The following NAF1 variants were observed in gnomAD, a reference collection of about 807,000 sequenced individuals.
The protein encoded by NAF1 is nuclear assembly factor 1 ribonucleoprotein, also known as H/ACA ribonucleoprotein complex non-core subunit NAF1.
In NAF1, 11 loss-of-function variants were observed where a neutral mutation model predicts 40.6. The observed-to-expected ratio is 0.27, with a 90% CI of 0.17 to 0.45. The LOEUF is 0.45. NAF1 is among the 20% of genes least tolerant of loss of function. NAF1 has a pLI of 1.00. For synonymous variants in NAF1, 260 were observed against 228.5 expected (o/e 1.14, Z -1.24); for missense variants, 607 against 611.1 (o/e 0.99, Z 0.07).
intron 1 of NAF1, 110 bp downstream of exon 1, chr4:163,166,253 G>GC: frequency 7.3e-7 from 1 of 1,365,166 alleles, no homozygotes; most frequent in Non-Finnish European, 9.8e-7. Flanking sequence ...CCAACGACCT[G>GC]CCCACCCTCC....
chr4:163,166,871 G>A lies in NAF1; in HGVS notation c.-144C>T. 8.9e-7 allele frequency: 1 copy of A among 1,119,624 alleles called. No homozygotes were observed. Among genetic ancestry groups the A allele is most frequent in the South Asian group, 1.7e-5 (1 of 60,558 alleles). 69.4% of individuals were successfully genotyped at this position (1,119,624 alleles called of 1,614,324 possible). A position where few individuals can be genotyped will look rare whatever the true frequency, so the allele number is the denominator to read the frequency against. ...TCCCGCGTTTCTCAGGTAACTACACGCGGAGGAGCCAAAAGACACGCCCCC... is the reference window on the plus strand; with the variant it reads ...TCCCGCGTTTCTCAGGTAACTACACACGGAGGAGCCAAAAGACACGCCCCC... On this transcript the variant is annotated 5_prime_UTR_variant, in exon 1 of 8. Coordinates refer to ENST00000274054, the MANE Select transcript of NAF1 (RefSeq NM_138386.3).
At chr4:163,162,000 C>G (rs1732244903) in intron 2 of NAF1, among the ~76,000 whole-genome samples, 1 of 151,992 alleles carries the variant, frequency 6.6e-6, no homozygotes, top group Non-Finnish European at 1.5e-5. Flanking sequence ...TCCTCACTCT[C>G]TCCTACACAC....
At position 163,147,395 on chromosome 4, in the gene NAF1, T is replaced by C. The variant is rs116441314; in HGVS notation, c.634+946A>G. Among the ~76,000 whole-genome samples the C allele has an allele frequency of 6.3e-3, 963 of 152,288 alleles. 14 individuals carry two copies. Among genetic ancestry groups the C allele is most frequent in the African/African-American group, 0.021 (889 of 41,554 alleles). ...GGTCCTCTTCACAGTTCCAAAATCC[T>C]ATTACTTTGTCAGTGCTGAGTTCTA... On this transcript the variant is annotated intron_variant, in intron 3 of 7. Transcript: ENST00000274054.
downstream of NAF1, among the ~76,000 whole-genome samples, chr4:163,125,474 C>T (rs1322769472): frequency 6.6e-6 from 1 of 152,186 alleles, no homozygotes; most frequent in Non-Finnish European, 1.5e-5. Flanking sequence ...AAAGATCAAA[C>T]CAGTTACAAC....
intron 2 of NAF1, among the ~76,000 whole-genome samples, chr4:163,158,982 T>C (rs184619321): frequency 1.3e-5 from 2 of 152,262 alleles, no homozygotes; most frequent in East Asian, 1.9e-4. Flanking sequence ...AAAGTGTATA[T>C]GCTCATTCTC....
chr4:163,139,796 A>T (rs1579155276), intron 5 of NAF1, among the ~76,000 whole-genome samples: 1 of 151,878 alleles, frequency 6.6e-6, no homozygotes, highest in Admixed American at 6.6e-5. Context: ...GATAACACTC[A>T]TTTTTTTTCT....
chr4:163,165,288 T>C (rs1732404623), intron 1 of NAF1, among the ~76,000 whole-genome samples: 1 of 152,236 alleles, frequency 6.6e-6, no homozygotes, highest in Admixed American at 6.5e-5. Flanking sequence ...GTACCCCTTT[T>C]GACTTCTTCA....
intron 2 of NAF1, among the ~76,000 whole-genome samples, chr4:163,116,314 T>C (rs557585259): frequency 6.6e-6 from 1 of 152,316 alleles, no homozygotes; most frequent in African/African-American, 2.4e-5. Context: ...TTATGGAATT[T>C]TGAGAAAATT....
chr4:163,153,590 C>G (rs1429487890), intron 2 of NAF1, among the ~76,000 whole-genome samples: 1 of 152,186 alleles, frequency 6.6e-6, no homozygotes, highest in Non-Finnish European at 1.5e-5. Flanking sequence ...CACTCTGTAT[C>G]TAGCTGCTCT....
chr4:163,151,997 T>TTTTCTTG (rs1446322780), intron 2 of NAF1, among the ~76,000 whole-genome samples: 1 of 152,206 alleles, frequency 6.6e-6, no homozygotes, highest in Non-Finnish European at 1.5e-5. Flanking sequence ...TGTATATTTA[T>TTTTCTTG]TATACAACCA....
At chr4:163,105,064 C>G in the NAF1 span, among the ~76,000 whole-genome samples, 2 of 152,132 alleles carry the variant, frequency 1.3e-5, no homozygotes, top group African/African-American at 4.8e-5. Context: ...CAGCAGCCCT[C>G]TACTATTTAA....
chr4:163,110,035 C>T (rs1019521179), downstream of NAF1: 3 of 424,816 alleles, frequency 7.1e-6, no homozygotes, highest in East Asian at 3.5e-5. Flanking sequence ...GCATCCTGCC[C>T]TATTAAGTAT....
chr4:163,144,330 T>C (rs761453086), intron 4 of NAF1, among the ~76,000 whole-genome samples: 3 of 152,166 alleles, frequency 2.0e-5, no homozygotes, highest in Non-Finnish European at 4.4e-5. Context: ...AGTTTTAAAA[T>C]AGAGGTAATT....
At position 163,156,105 on chromosome 4, in the gene NAF1, AAG is replaced by A. The variant is rs1268276940; in HGVS notation, c.541-7673_541-7672del. Among the ~76,000 whole-genome samples, 7 of 119,716 alleles carry A rather than the reference AAG, an allele frequency of 5.8e-5. 2 individuals carry two copies. The highest frequency in any genetic ancestry group is 1.3e-4 in the Non-Finnish European group (7 of 54,962). 78.5% of individuals were successfully genotyped at this position (119,716 alleles called of 152,430 possible). A position where few individuals can be genotyped will look rare whatever the true frequency, so the allele number is the denominator to read the frequency against. On this transcript the variant is annotated intron_variant, in intron 2 of 7. Transcript: ENST00000274054. Reference sequence around the variant, plus strand: ...TTAAAAGAATGATGAGTAGATAGGAAAGACTTTTTGTTTTATTTACTCAATAT... The same window carrying A: ...TTAAAAGAATGATGAGTAGATAGGAAACTTTTTGTTTTATTTACTCAATAT...
downstream of NAF1, chr4:163,126,753 AG>A (rs1730667530): frequency 2.9e-6 from 1 of 344,740 alleles, no homozygotes; most frequent in African/African-American, 2.1e-5. Flanking sequence ...CTTTGGTGAA[AG>A]GAAGAGCCAA....
chr4:163,161,018 CAAAAAAAAAA>C (rs796248441), intron 2 of NAF1, among the ~76,000 whole-genome samples: 1 of 59,694 alleles, frequency 1.7e-5, no homozygotes, highest in African/African-American at 5.8e-5. Flanking sequence ...TGTCATTTTC[CAAAAAAAAAA>C]AAAAAAAAAA....
downstream of NAF1, among the ~76,000 whole-genome samples, chr4:163,106,999 T>C (rs1461843918): frequency 6.6e-6 from 1 of 152,142 alleles, no homozygotes; most frequent in Non-Finnish European, 1.5e-5. Flanking sequence ...TTTCTTTTTT[T>C]TTTTTGAGAT....
In NAF1 at chr4:163,166,820, C is replaced by G; in HGVS notation, c.-93G>C. ...GAAATAGAAAAACAACTTAGGCAAC[C>G]GCAGCAACACTGCCTGGGCCCAACT... On this transcript the variant is annotated 5_prime_UTR_variant, in exon 1 of 8. Transcript: ENST00000274054. 6.7e-7 allele frequency: 1 copy of G among 1,501,910 alleles called. No individual in the cohort carries two copies. The highest frequency in any genetic ancestry group is 8.9e-7 in the Non-Finnish European group (1 of 1,122,162). The allele number at this position is 1,501,910 out of a possible 1,614,324, so 93.0% of individuals were successfully genotyped here. A position where few individuals can be genotyped will look rare whatever the true frequency, so the allele number is the denominator to read the frequency against.
chr4:163,128,832 TG>T lies in NAF1; in HGVS notation c.*64del, dbSNP rs1400420269. The T allele has an allele frequency of 2.1e-6, 3 of 1,429,968 alleles. No individual in the cohort carries two copies. Among genetic ancestry groups the T allele is most frequent in the Non-Finnish European group, 2.8e-6 (3 of 1,078,182 alleles). 88.6% of individuals were successfully genotyped at this position (1,429,968 alleles called of 1,614,324 possible). On this transcript the variant is annotated 3_prime_UTR_variant, in exon 8 of 8. Coordinates refer to ENST00000274054, the MANE Select transcript of NAF1 (RefSeq NM_138386.3). The stretch of plus-strand genomic sequence containing the variant: ...AAAAATCTAGCTCCATAATCACTCT[TG>T]AAAAAAAAAAATCCTTACCACATAA...
Sources: gnomAD v4.1 joint callset for allele counts (sites outside exome capture counted in the v4.1 genomes callset) on GRCh38, gnomAD v4.1.1 for gene constraint, MANE v1.5 for transcripts, NCBI Gene and HGNC (gene_info 2026-07-23, HGNC 2026-07-21) for gene names.